PRDX2: variants seen among roughly 807,000 people sequenced by gnomAD.
PRDX2 encodes peroxiredoxin 2.
PRDX2 carries 10 observed loss-of-function variants against 19.8 expected under a neutral mutation model. The ratio of observed to expected loss-of-function variants is 0.50; its 90% confidence interval spans 0.31 to 0.86. PRDX2 has a LOEUF of 0.86. Among genes scored for constraint, PRDX2 ranks in the 40% least tolerant of loss-of-function variants. The pLI, the probability that PRDX2 is intolerant of heterozygous loss-of-function variation, is 0.04. For synonymous variants in PRDX2, 118 were observed against 108.2 expected (o/e 1.09, Z -0.56); for missense variants, 226 against 260.1 (o/e 0.87, Z 0.90).
chr19:12,799,194 C>T (rs1264058300), intron 5 of PRDX2, among the ~76,000 whole-genome samples: 6 of 151,446 alleles, frequency 4.0e-5, no homozygotes, highest in Admixed American at 3.3e-4. Flanking sequence ...CCACCGCGCT[C>T]GGCCTGTTTG....
In PRDX2 at chr19:12,800,224, C is replaced by T. The variant is rs745704209; in HGVS notation, c.333G>A (p.Leu111=). The T allele has an allele frequency of 6.2e-7, 1 of 1,613,934 alleles. No individual in the cohort carries two copies. The change falls in exon 4 of 6, where the codon TTG becomes TTA. Residue 111 remains leucine, a synonymous_variant. Transcript: ENST00000301522. ...IPLLADVTRR[L]SEDYGVLKTD... ...TTTTCAGCACGCCGTAATCCTCAGA[C>T]AAGCGTCTGGTCACGTCAGCAAGCA...
At chr19:12,798,573 A>G (rs1175334314) in intron 5 of PRDX2, among the ~76,000 whole-genome samples, 1 of 145,982 alleles carries the variant, frequency 6.9e-6, no homozygotes. Context: ...CTTGTCTCGA[A>G]CTCCCGACCT....
chr19:12,800,623 C>G (rs1968875174), intron 3 of PRDX2: 1 of 1,296,466 alleles, frequency 7.7e-7, no homozygotes, highest in African/African-American at 1.5e-5. Context: ...CTTCGGTGAA[C>G]TGGAGTTTCC....
At chr19:12,799,146 G>A (rs532640340) in intron 5 of PRDX2, among the ~76,000 whole-genome samples, 5 of 151,278 alleles carry the variant, frequency 3.3e-5, no homozygotes, top group African/African-American at 7.3e-5. Context: ...TGATCTGCCC[G>A]CCTCGGCCTC....
At chr19:12,800,606 C>T in intron 3 of PRDX2, 1 of 1,151,226 alleles carries the variant, frequency 8.7e-7, no homozygotes, top group Non-Finnish European at 1.2e-6. Context: ...TGGGGTACAG[C>T]CCTTCACTTC....
At chr19:12,800,692 T>TA in intron 3 of PRDX2, 1 of 1,463,738 alleles carries the variant, frequency 6.8e-7, no homozygotes, top group Admixed American at 2.5e-5. Flanking sequence ...ATAGAGTAGA[T>TA]AGAGTTGCAT....
chr19:12,799,331 G>A (rs951797263), intron 5 of PRDX2, among the ~76,000 whole-genome samples: 1 of 152,062 alleles, frequency 6.6e-6, no homozygotes, highest in Admixed American at 6.6e-5. Context: ...TTGAGTAGCT[G>A]GGACTATAGG....
chr19:12,797,053 G>A lies in PRDX2; in HGVS notation c.*28C>T, dbSNP rs1471001932. On this transcript the variant is annotated 3_prime_UTR_variant, in exon 6 of 6. Transcript: ENST00000301522. ...CACCCAGCACAGGCACCTAGGCAGG[G>A]GCACAAGCTCACTATCCGTTAGCCA... 6.2e-7 allele frequency: 1 copy of A among 1,610,672 alleles called. No homozygotes were observed. Among genetic ancestry groups the A allele is most frequent in the Non-Finnish European group, 8.5e-7 (1 of 1,178,074 alleles).
rs1968822032 is a variant in PRDX2 at position 12,797,946 on chromosome 19, C to T, written c.512-780G>A. On this transcript the variant is annotated intron_variant, in intron 5 of 5. Coordinates refer to ENST00000301522, the MANE Select transcript of PRDX2 (RefSeq NM_005809.6). The stretch of plus-strand genomic sequence containing the variant: ...AAATGCTAGGATTACAGGCGTGAGC[C>T]ACTACACCTGGCCAAGTTCAGTATT... Among the ~76,000 whole-genome samples, 3 of 152,180 alleles carry T rather than the reference C, an allele frequency of 2.0e-5. No individual in the cohort carries two copies. In the South Asian group the frequency reaches 6.2e-4, roughly 32 times the overall value.
Position 12,796,905 on chromosome 19 carries a change from T to G in PRDX2, c.*176A>C, listed in dbSNP as rs2145812408. ...TGGGGGAGGGCGTCACTATTCAGCTTCTAGGTGGAGGCATGAGAAGGCCTT... is the reference window on the plus strand; with the variant it reads ...TGGGGGAGGGCGTCACTATTCAGCTGCTAGGTGGAGGCATGAGAAGGCCTT... On this transcript the variant is annotated 3_prime_UTR_variant, in exon 6 of 6. Transcript: ENST00000301522. 2 of 614,456 alleles carry G rather than the reference T, an allele frequency of 3.3e-6. No homozygotes were observed. The highest frequency in any genetic ancestry group is 5.5e-5 in the East Asian group (2 of 36,252). The allele number at this position is 614,456 out of a possible 1,614,324, so 38.1% of individuals were successfully genotyped here.
At position 12,800,718 on chromosome 19, in the gene PRDX2, A is replaced by T. The variant is rs372357619; in HGVS notation, c.257+198T>A. 70 of 1,480,920 alleles carry T rather than the reference A, an allele frequency of 4.7e-5. No homozygotes were observed. The East Asian group carries it at 1.0e-3, about 21-fold the overall frequency. The allele number at this position is 1,480,920 out of a possible 1,614,324, so 91.7% of individuals were successfully genotyped here. A position where few individuals can be genotyped will look rare whatever the true frequency, so the allele number is the denominator to read the frequency against. ...AGAGTTGCATCTGAGTTGCATCTGC[A>T]ACTCTATATACCAGGCAACTAGTTG... On this transcript the variant is annotated intron_variant, in intron 3 of 5. Transcript: ENST00000301522.
chr19:12,799,840 C>G lies in PRDX2; in HGVS notation c.511+19G>C. On this transcript the variant is annotated intron_variant, in intron 5 of 5. Transcript: ENST00000301522. ...AGGCGCTCAGTATGTACCCATGTGT[C>G]ATGTGTGTATCTGCTCACCTTCCCC... 1.2e-6 allele frequency: 2 copies of G among 1,610,922 alleles called. No individual in the cohort carries two copies. Among genetic ancestry groups the G allele is most frequent in the Middle Eastern group, 2.2e-4 (1 of 4,530 alleles).
intron 3 of PRDX2, chr19:12,800,599 G>C: frequency 9.1e-7 from 1 of 1,095,302 alleles, no homozygotes; most frequent in Non-Finnish European, 1.3e-6. Flanking sequence ...TGTGTCATGG[G>C]GTACAGCCCT....
chr19:12,797,457 AT>A (rs1286898121), intron 5 of PRDX2, among the ~76,000 whole-genome samples: 1 of 151,394 alleles, frequency 6.6e-6, no homozygotes, highest in African/African-American at 2.4e-5. Context: ...CCTAGCTGGA[AT>A]TACAGAGGTG....
chr19:12,798,277 C>T (rs1245310238), intron 5 of PRDX2, among the ~76,000 whole-genome samples: 2 of 151,998 alleles, frequency 1.3e-5, no homozygotes, highest in Admixed American at 6.6e-5. Context: ...GATCTCCTGA[C>T]CTCTTGATCC....
rs373666991 is a variant in PRDX2 at position 12,801,168 on chromosome 19, C to A, written c.94G>T (p.Asp32Tyr). ...TCCGGGCGGCGCTCACCTTTGTAGT[C>A]CGACAGCTTCACCTCTTTGAAGGCG... ...DGAFKEVKLS[D>Y]YKGKYVVLFF... is the part of the protein sequence containing the mutation. The change falls in exon 2 of 6, where the codon GAC becomes TAC. Residue 32 changes from aspartate (D) to tyrosine (Y), a missense_variant. Physicochemically the swap from Asp to Tyr is radical, Grantham distance 160. Transcript: ENST00000301522. The A allele has an allele frequency of 6.2e-7, 1 of 1,614,014 alleles. No individual in the cohort carries two copies. Among genetic ancestry groups the A allele is most frequent in the East Asian group, 2.2e-5 (1 of 44,880 alleles).
chr19:12,799,818 C>T (rs199920989), intron 5 of PRDX2, 41 bp downstream of exon 5: 41 of 1,596,914 alleles, frequency 2.6e-5, no homozygotes, highest in South Asian at 2.3e-4. Context: ...GTGACGGAGG[C>T]GCTCAGTATG....
intron 1 of PRDX2, among the ~76,000 whole-genome samples, chr19:12,801,520 GC>G (rs1287457353): frequency 9.2e-5 from 14 of 152,238 alleles, no homozygotes; most frequent in Non-Finnish European, 1.9e-4. Flanking sequence ...GGTGTCGCAA[GC>G]CCCCAGCCCA....
Position 12,799,991 on chromosome 19 carries a change from T to C in PRDX2, c.381-2A>G, listed in dbSNP as rs760250226. 5.6e-6 allele frequency: 9 copies of C among 1,613,538 alleles called. No homozygotes were observed. The highest frequency in any genetic ancestry group is 1.3e-5 in the African/African-American group (1 of 74,896). On this transcript the variant is annotated splice_acceptor_variant, in intron 4 of 5. Coordinates refer to ENST00000301522, the MANE Select transcript of PRDX2 (RefSeq NM_005809.6). LOFTEE classifies it high-confidence loss of function. The stretch of plus-strand genomic sequence containing the variant: ...TTGCCATCGATGATAAAGAGGCCCC[T>C]GAAGACATCAGGGTTCCCAGTGAGG...
Sources: gnomAD v4.1 joint callset for allele counts (sites outside exome capture counted in the v4.1 genomes callset) on GRCh38, gnomAD v4.1.1 for gene constraint, MANE v1.5 for transcripts, NCBI Gene and HGNC (gene_info 2026-07-23, HGNC 2026-07-21) for gene names.